The following BNC2 variants were observed in gnomAD, a reference collection of about 807,000 sequenced individuals.
The protein encoded by BNC2 is zinc finger protein basonuclin-2.
A neutral mutation model predicts 76.3 loss-of-function variants in BNC2; 20 were observed. That is an observed-to-expected ratio of 0.26 (90% CI 0.18 to 0.38). The LOEUF (loss-of-function observed/expected upper bound fraction) is 0.38. Ranked by LOEUF, BNC2 falls within the 10% of genes least tolerant of loss-of-function variation. BNC2 has a pLI of 1.00. For synonymous variants in BNC2, 582 were observed against 514.8 expected, an observed-to-expected ratio of 1.13 and a Z score of -1.77; for missense variants, 1,382 against 1,399.8, an observed-to-expected ratio of 0.99 and a Z score of 0.20.
intron 5 of BNC2, among the ~76,000 whole-genome samples, chr9:16,524,414 T>G (rs1487814752): frequency 1.3e-5 from 2 of 152,082 alleles, no homozygotes; most frequent in East Asian, 1.9e-4. Context: ...GATTTCTAGG[T>G]AAGCACTTCT....
chr9:16,824,539 G>A (rs1818408859), intron 1 of BNC2, among the ~76,000 whole-genome samples: 1 of 152,142 alleles, frequency 6.6e-6, no homozygotes, highest in South Asian at 2.1e-4. Context: ...AAGCAGTGGT[G>A]CTCTCAGGTG....
rs544062809 is a variant in BNC2, at chr9:16,835,791, G to C, written c.3+34855C>G. Among the ~76,000 whole-genome samples, 25 of 152,314 alleles carry C rather than the reference G, an allele frequency of 1.6e-4. No individual in the cohort carries two copies. In the South Asian group the frequency reaches 5.0e-3, roughly 30 times the overall value. The stretch of plus-strand genomic sequence containing the variant: ...AGTTCTGGTATCCTATTTTAAATAT[G>C]AGGTTTAACTCTCTTGCCAAGAAAA... On this transcript the variant is annotated intron_variant, in intron 1 of 6. Coordinates refer to ENST00000380672, the MANE Select transcript of BNC2 (RefSeq NM_017637.6).
intron 3 of BNC2, among the ~76,000 whole-genome samples, chr9:16,654,878 G>C (rs1563882136): frequency 6.6e-6 from 1 of 152,092 alleles, no homozygotes. Flanking sequence ...TTCCATCATG[G>C]AGGTCTTGCA....
At chr9:16,673,426 G>A (rs1185903110) in intron 3 of BNC2, among the ~76,000 whole-genome samples, 1 of 137,272 alleles carries the variant, frequency 7.3e-6, no homozygotes, top group Non-Finnish European at 1.5e-5. Flanking sequence ...AACATTCTGA[G>A]ATTTAAAAAA....
chr9:16,720,032 G>A (rs1462405864), intron 3 of BNC2, among the ~76,000 whole-genome samples: 1 of 152,194 alleles, frequency 6.6e-6, no homozygotes, highest in Non-Finnish European at 1.5e-5. Flanking sequence ...TTCTTATACA[G>A]GCTAAGGATC....
At chr9:16,505,469 C>T (rs996856448) in intron 5 of BNC2, among the ~76,000 whole-genome samples, 2 of 152,162 alleles carry the variant, frequency 1.3e-5, no homozygotes, top group East Asian at 3.9e-4. Context: ...AAGCTGTCTC[C>T]TGATTTATAG....
At chr9:16,588,902 C>G (rs959376692) in intron 3 of BNC2, among the ~76,000 whole-genome samples, 1 of 152,152 alleles carries the variant, frequency 6.6e-6, no homozygotes, top group Non-Finnish European at 1.5e-5. Flanking sequence ...CACAAAAGAA[C>G]TACACACAAG....
chr9:16,576,742 T>TTTGTTG (rs559258661), intron 4 of BNC2, among the ~76,000 whole-genome samples: 3 of 152,206 alleles, frequency 2.0e-5, no homozygotes, highest in Non-Finnish European at 2.9e-5. Context: ...AACAGCTTTT[T>TTTGTTG]TTGTTGTTGT....
At chr9:16,695,427 G>C (rs56215539) in intron 3 of BNC2, among the ~76,000 whole-genome samples, 11,423 of 151,764 alleles carry the variant, frequency 0.075, 544 homozygotes, top group African/African-American at 0.13. Context: ...AATATCTCTA[G>C]AACATGACTC....
chr9:16,771,931 G>A (rs553001336), intron 1 of BNC2, among the ~76,000 whole-genome samples: 1 of 152,134 alleles, frequency 6.6e-6, no homozygotes, highest in African/African-American at 2.4e-5. Flanking sequence ...AGTTCATGGT[G>A]GGGGGAGGAT....
intron 1 of BNC2, among the ~76,000 whole-genome samples, chr9:16,860,939 G>C (rs534972017): frequency 1.3e-5 from 2 of 151,718 alleles, no homozygotes; most frequent in South Asian, 2.1e-4. Flanking sequence ...CCAGCTACTC[G>C]GGACGCTGAG....
In BNC2 at chr9:16,552,833, G is replaced by A. The variant is rs547881088; in HGVS notation, c.434-68C>T. 3.5e-5 allele frequency: 46 copies of A among 1,310,432 alleles called. 1 individual carries two copies. In the South Asian group the frequency reaches 4.8e-4, roughly 14 times the overall value. 81.2% of individuals were successfully genotyped at this position (1,310,432 alleles called of 1,614,324 possible). A position where few individuals can be genotyped will look rare whatever the true frequency, so the allele number is the denominator to read the frequency against. On this transcript the variant is annotated intron_variant, in intron 4 of 6. Transcript: ENST00000380672. ...AATAAGATAAAGAGAGAGAACAGGA[G>A]TTAGAAATATTGCTGGAAGTTACCA...
chr9:16,416,988 A>G lies in BNC2; in HGVS notation c.*2001T>C, dbSNP rs950605040. 3 of 152,638 alleles carry G rather than the reference A, an allele frequency of 2.0e-5. No individual in the cohort carries two copies. The highest frequency in any genetic ancestry group is 4.8e-5 in the African/African-American group (2 of 41,458). The allele number at this position is 152,638 out of a possible 1,614,324, so 9.5% of individuals were successfully genotyped here. A position where few individuals can be genotyped will look rare whatever the true frequency, so the allele number is the denominator to read the frequency against. On this transcript the variant is annotated 3_prime_UTR_variant, in exon 7 of 7. Transcript: ENST00000380672. ...AACATGAAAAATGGAAACGACATAA[A>G]AGTTAAAATAAAGGGATATTTCTAA...
rs561497594 is a variant in BNC2, at chr9:16,833,839, C to T, written c.3+36807G>A. Among the ~76,000 whole-genome samples the T allele has an allele frequency of 3.3e-5, 5 of 152,202 alleles. No individual in the cohort carries two copies. The South Asian group carries it at 8.3e-4, about 25-fold the overall frequency. Reference sequence around the variant, plus strand: ...CTTGGTCCTTAACATGGCCTCCTAGCCCCTTCCTTCCCTTCAGTCTGATAC... The same window carrying T: ...CTTGGTCCTTAACATGGCCTCCTAGTCCCTTCCTTCCCTTCAGTCTGATAC... On this transcript the variant is annotated intron_variant, in intron 1 of 6. Coordinates refer to ENST00000380672, the MANE Select transcript of BNC2 (RefSeq NM_017637.6).
intron 5 of BNC2, among the ~76,000 whole-genome samples, chr9:16,543,215 A>C (rs1818378564): frequency 6.6e-6 from 1 of 152,186 alleles, no homozygotes; most frequent in African/African-American, 2.4e-5. Flanking sequence ...AATTTAACAT[A>C]TTACTTCTCT....
chr9:16,611,216 G>A (rs981848658), intron 3 of BNC2, among the ~76,000 whole-genome samples: 2 of 152,190 alleles, frequency 1.3e-5, no homozygotes, highest in Admixed American at 6.5e-5. Context: ...CAACACAAAG[G>A]AAAGGCGCTA....
chr9:16,477,806 T>A (rs1187608267), intron 5 of BNC2, among the ~76,000 whole-genome samples: 1 of 152,192 alleles, frequency 6.6e-6, no homozygotes, highest in East Asian at 1.9e-4. Context: ...AGGACAGGCA[T>A]CCTCAGAGTA....
intron 3 of BNC2, among the ~76,000 whole-genome samples, chr9:16,665,647 A>G (rs1822269640): frequency 6.6e-6 from 1 of 152,228 alleles, no homozygotes; most frequent in Non-Finnish European, 1.5e-5. Context: ...ATTTATAGTC[A>G]AGACTGATTC....
intron 1 of BNC2, among the ~76,000 whole-genome samples, chr9:16,825,548 T>G (rs2135978255): frequency 6.6e-6 from 1 of 152,204 alleles, no homozygotes; most frequent in South Asian, 2.1e-4. Flanking sequence ...CTTGCTGGCA[T>G]GTATGCTGAA....
Sources: allele counts gnomAD v4.1 joint callset (sites outside exome capture counted in the v4.1 genomes callset), GRCh38; gene constraint gnomAD v4.1.1; transcripts MANE v1.5; gene names NCBI Gene and HGNC (gene_info 2026-07-23, HGNC 2026-07-21).